ROR2: variants seen among roughly 807,000 people sequenced by gnomAD.
The protein encoded by ROR2 is ROR family WNT receptor 2, also known as tyrosine-protein kinase transmembrane receptor ROR2.
ROR2 carries 33 observed loss-of-function variants against 74.9 expected under a neutral mutation model. The observed-to-expected ratio is 0.44, with a 90% CI of 0.33 to 0.59. The LOEUF (loss-of-function observed/expected upper bound fraction) is 0.59. Among genes scored for constraint, ROR2 ranks in the 20% least tolerant of loss-of-function variants. The pLI is 0.02. For synonymous variants in ROR2, 586 were observed against 558.7 expected (o/e 1.05, Z -0.69); for missense variants, 1,216 against 1,313.8 (o/e 0.93, Z 1.15).
intron 1 of ROR2, among the ~76,000 whole-genome samples, chr9:91,887,401 T>C (rs1427013914): frequency 6.6e-6 from 1 of 152,222 alleles, no homozygotes; most frequent in East Asian, 1.9e-4. Flanking sequence ...AAGATTTCCT[T>C]GCATAGGTTT....
rs1431337849 is a variant in ROR2, at chr9:91,851,333, G to A, written c.98-75515C>T. On this transcript the variant is annotated intron_variant, in intron 1 of 8. Coordinates refer to ENST00000375708, the MANE Select transcript of ROR2 (RefSeq NM_004560.4). Reference sequence around the variant, plus strand: ...CGCCACTGCACACTCCACCCTGGGCGACAGAGCAAGACTCCGTCTCAAAAA... The same window carrying A: ...CGCCACTGCACACTCCACCCTGGGCAACAGAGCAAGACTCCGTCTCAAAAA... 1.4e-4 allele frequency among the ~76,000 whole-genome samples: 20 copies of A among 144,312 alleles called. 1 individual carries two copies. The highest frequency in any genetic ancestry group is 1.0e-3 in the East Asian group (5 of 4,952). The allele number at this position is 144,312 out of a possible 152,430, so 94.7% of individuals were successfully genotyped here.
chr9:91,739,994 A>G (rs1825163627), intron 4 of ROR2, among the ~76,000 whole-genome samples: 1 of 152,206 alleles, frequency 6.6e-6, no homozygotes, highest in Non-Finnish European at 1.5e-5. Flanking sequence ...AATGTCAGCT[A>G]TGCCTAAGCT....
intron 1 of ROR2, among the ~76,000 whole-genome samples, chr9:91,898,042 C>T (rs1308913143): frequency 1.3e-5 from 2 of 152,092 alleles, no homozygotes; most frequent in African/African-American, 2.4e-5. Flanking sequence ...CCACACACCC[C>T]GAGAACCCCT....
chr9:91,909,732 T>C (rs977688026), intron 1 of ROR2, among the ~76,000 whole-genome samples: 10 of 151,736 alleles, frequency 6.6e-5, no homozygotes, highest in Non-Finnish European at 4.4e-5. Context: ...TTGGAAAGCT[T>C]TATGTCTTTC....
At chr9:91,868,340 C>T (rs1381174369) in intron 1 of ROR2, among the ~76,000 whole-genome samples, 2 of 152,064 alleles carry the variant, frequency 1.3e-5, no homozygotes, top group African/African-American at 4.8e-5. Context: ...CAGATCACTT[C>T]TGTGGGACAA....
chr9:91,911,947 A>AC (rs954054159), intron 1 of ROR2, among the ~76,000 whole-genome samples: 1 of 151,708 alleles, frequency 6.6e-6, no homozygotes, highest in Non-Finnish European at 1.5e-5. Context: ...AAAAAAAAAA[A>AC]AAAAAAACCA....
chr9:91,862,467 C>T (rs146584330), intron 1 of ROR2, among the ~76,000 whole-genome samples: 67 of 152,042 alleles, frequency 4.4e-4, no homozygotes, highest in African/African-American at 1.6e-3. Context: ...GAAACAGCCT[C>T]GTCAACACAC....
chr9:91,812,331 C>T (rs1196044866), intron 1 of ROR2, among the ~76,000 whole-genome samples: 1 of 152,054 alleles, frequency 6.6e-6, no homozygotes, highest in Non-Finnish European at 1.5e-5. Flanking sequence ...TTGAGATTAC[C>T]CGATCCTTCT....
In ROR2 at chr9:91,736,195, C is replaced by G. The variant is rs1049581065; in HGVS notation, c.622+1196G>C. Among the ~76,000 whole-genome samples, 64 of 152,192 alleles carry G rather than the reference C, an allele frequency of 4.2e-4. 2 individuals carry two copies. The highest frequency in any genetic ancestry group is 2.9e-5 in the Non-Finnish European group (2 of 68,034). On this transcript the variant is annotated intron_variant, in intron 5 of 8. Transcript: ENST00000375708. ...AACAGGATGGCATCTCCAGGTTCCT[C>G]TCTGTCTCATGATGGCTCTTTCAGT...
intron 2 of ROR2, among the ~76,000 whole-genome samples, chr9:91,766,501 G>A (rs971842094): frequency 1.3e-5 from 2 of 152,298 alleles, no homozygotes; most frequent in Admixed American, 1.3e-4. Context: ...TGCCAAATGA[G>A]TCTGGTCCAC....
At chr9:91,910,853 G>T (rs1413214736) in intron 1 of ROR2, among the ~76,000 whole-genome samples, 1 of 152,004 alleles carries the variant, frequency 6.6e-6, no homozygotes, top group Admixed American at 6.6e-5. Flanking sequence ...TAGTAGAGAC[G>T]GGGTTTCACC....
chr9:91,904,051 T>A (rs370305204), intron 1 of ROR2, among the ~76,000 whole-genome samples: 46 of 93,212 alleles, frequency 4.9e-4, no homozygotes, highest in African/African-American at 1.3e-3. Context: ...TGTTTTTTTT[T>A]GGGGGGGGGG....
chr9:91,937,815 G>C (rs1476391627), intron 1 of ROR2, among the ~76,000 whole-genome samples: 1 of 152,180 alleles, frequency 6.6e-6, no homozygotes, highest in African/African-American at 2.4e-5. Context: ...CTGGGCTCAA[G>C]TGATCCTCCT....
At chr9:91,886,489 T>TGTGCACCCACGCACGGCGC (rs1169480474) in intron 1 of ROR2, among the ~76,000 whole-genome samples, 1 of 146,390 alleles carries the variant, frequency 6.8e-6, no homozygotes, top group Non-Finnish European at 1.5e-5. Flanking sequence ...CACCACCGAC[T>TGTGCACCCACGCACGGCGC]GTGCACCCAC....
At position 91,733,450 on chromosome 9, in the gene ROR2, G is replaced by A. The variant is rs554233985; in HGVS notation, c.623-14C>T. The stretch of plus-strand genomic sequence containing the variant: ...TGGTGAAGGCCGCTGCAGAGCCCGC[G>A]AGACTCGCGTTAGCGGGGGACCCAC... On this transcript the variant is annotated splice_polypyrimidine_tract_variant and intron_variant, in intron 5 of 8. Transcript: ENST00000375708. This position sits in a 1 kb window ranked among gnomAD's most constrained non-coding sequence, Gnocchi z 5.7. The A allele has an allele frequency of 1.9e-5, 31 of 1,607,532 alleles. No individual in the cohort carries two copies. Among genetic ancestry groups the A allele is most frequent in the East Asian group, 8.9e-5 (4 of 44,764 alleles).
intron 1 of ROR2, among the ~76,000 whole-genome samples, chr9:91,782,955 T>C (rs1826672667): frequency 6.6e-6 from 1 of 152,212 alleles, no homozygotes; most frequent in Non-Finnish European, 1.5e-5. Context: ...TGGGGCAGCC[T>C]AAACAATGGA....
intron 3 of ROR2, among the ~76,000 whole-genome samples, chr9:91,756,420 G>A (rs1038198777): frequency 6.6e-6 from 1 of 152,170 alleles, no homozygotes; most frequent in Non-Finnish European, 1.5e-5. Context: ...TGGCAGGGCC[G>A]GGGCGTTTGC....
intron 1 of ROR2, among the ~76,000 whole-genome samples, chr9:91,786,322 GTCAATCAATCAA>G (rs139592847): frequency 0.06 from 8,818 of 147,822 alleles, 496 homozygotes; most frequent in Admixed American, 0.17. Context: ...GCAAGACTCT[GTCAATCAATCAA>G]TCAATCAATC....
intron 1 of ROR2, among the ~76,000 whole-genome samples, chr9:91,899,272 A>G (rs1308819630): frequency 6.6e-6 from 1 of 152,196 alleles, no homozygotes; most frequent in Non-Finnish European, 1.5e-5. Flanking sequence ...GCCTCTGCAA[A>G]GGGCGACTGC....
Sources: gnomAD v4.1 joint callset for allele counts (sites outside exome capture counted in the v4.1 genomes callset) on GRCh38, gnomAD v4.1.1 for gene constraint, Gnocchi (gnomAD v3.1) non-coding constraint, MANE v1.5 for transcripts, NCBI Gene and HGNC (gene_info 2026-07-23, HGNC 2026-07-21) for gene names.